Variants in LARP1 observed in about 807,000 individuals in gnomAD.
LARP1 encodes the protein la-related protein 1.
LARP1 carries 36 observed loss-of-function variants against 122.7 expected under a neutral mutation model. The ratio of observed to expected loss-of-function variants is 0.29; its 90% CI spans 0.22 to 0.39. The LOEUF is 0.39. Ranked by LOEUF, LARP1 falls within the 10% of genes least tolerant of loss-of-function variation. The probability of loss-of-function intolerance (pLI) is 1.00; values close to 1 mark genes in which losing one functional copy is unlikely to be tolerated. For missense variants in LARP1, 1,040 were observed against 1,403.6 expected, an observed-to-expected ratio of 0.74 and a Z score of 4.14; for synonymous variants, 539 against 528.7, an observed-to-expected ratio of 1.02 and a Z score of -0.27.
At position 154,802,182 on chromosome 5, in the gene LARP1, C is replaced by G. The variant is rs139405931; in HGVS notation, c.1892C>G (p.Ser631Cys). 6.2e-7 allele frequency: 1 copy of G among 1,614,190 alleles called. No homozygotes were observed. The highest frequency in any genetic ancestry group is 8.5e-7 in the Non-Finnish European group (1 of 1,180,036). The change falls in exon 11 of 19, where the codon TCT becomes TGT. Residue 631 changes from serine (S) to cysteine (C), a missense_variant. Around this residue, in one of 8 missense-constraint regions of LARP1, gnomAD observed 362 missense variants for 533.1 expected, o/e 0.68. Coordinates refer to ENST00000518297, the MANE Select transcript of LARP1 (RefSeq NM_033551.3). This position sits in a 1 kb window ranked among gnomAD's most constrained non-coding sequence, Gnocchi z 5.1. ...NTFTAWSDEE[S>C]DYEIDDRDVN... Reference sequence around the variant, plus strand: ...TTCACTGCCTGGTCTGATGAGGAATCTGACTATGAGATTGATGACAGGGAT... The same window carrying G: ...TTCACTGCCTGGTCTGATGAGGAATGTGACTATGAGATTGATGACAGGGAT...
chr5:154,811,880 TTTC>T (rs760176130), intron 18 of LARP1, among the ~76,000 whole-genome samples: 1 of 152,214 alleles, frequency 6.6e-6, no homozygotes, highest in Non-Finnish European at 1.5e-5. Context: ...CATAATGCTC[TTTC>T]TCTCCTATCT....
chr5:154,771,772 C>G (rs1272130810), intron 1 of LARP1, among the ~76,000 whole-genome samples: 2 of 152,132 alleles, frequency 1.3e-5, no homozygotes. Context: ...TAGAGATGTT[C>G]CTCTTCAGCT....
chr5:154,793,682 C>A lies in LARP1; in HGVS notation c.827C>A (p.Pro276Gln), dbSNP rs769646240. 1.2e-6 allele frequency: 2 copies of A among 1,614,054 alleles called. No individual in the cohort carries two copies. Among genetic ancestry groups the A allele is most frequent in the African/African-American group, 2.7e-5 (2 of 74,914 alleles). Residue 276 changes from proline (P) to glutamine (Q), a missense_variant, in exon 5 of 19, where the codon CCG becomes CAG. Physicochemically the swap from Pro to Gln is moderately conservative, Grantham distance 76. Around this residue, in one of 8 missense-constraint regions of LARP1, gnomAD observed 178 missense variants for 178.3 expected, o/e 1.00. Coordinates refer to ENST00000518297, the MANE Select transcript of LARP1 (RefSeq NM_033551.3). ...CTGGCTTCACGCCCCACTCGCCCAC[C>A]GGAGCCTAGACACATACCTGCCAAT... ...EKLASRPTRP[P>Q]EPRHIPANRG...
At chr5:154,704,061 T>C (rs1754839122) in intron 1 of LARP1, among the ~76,000 whole-genome samples, 1 of 152,204 alleles carries the variant, frequency 6.6e-6, no homozygotes, top group Non-Finnish European at 1.5e-5. Flanking sequence ...GCTGGTGGTC[T>C]TGTCAGAGAG....
chr5:154,715,836 C>T (rs1287137592), intron 1 of LARP1, among the ~76,000 whole-genome samples: 2 of 152,296 alleles, frequency 1.3e-5, no homozygotes, highest in Non-Finnish European at 2.9e-5. Context: ...TGCGTACCTA[C>T]GATGAGCTAA....
At chr5:154,773,274 G>A (rs570524448) in intron 1 of LARP1, among the ~76,000 whole-genome samples, 51 of 152,238 alleles carry the variant, frequency 3.4e-4, no homozygotes, top group Admixed American at 5.9e-4. Flanking sequence ...CCACTGTATT[G>A]TAAGCTATAT....
chr5:154,720,158 T>TG (rs1755772428), intron 1 of LARP1, among the ~76,000 whole-genome samples: 1 of 151,934 alleles, frequency 6.6e-6, no homozygotes, highest in Admixed American at 6.6e-5. Flanking sequence ...ACCACTGCAT[T>TG]CCAGCCTGGG....
chr5:154,756,160 G>A lies in LARP1; in HGVS notation c.403G>A (p.Val135Ile), dbSNP rs1753871051. ...GTGGACTAAGAACGCATTGCCGCCG[G>A]TCCTGACCACCGTGAACGGACAGTC... Reference protein sequence around the residue: ...NPWTKNALPPVLTTVNGQSPP... With the variant: ...NPWTKNALPPILTTVNGQSPP... The change falls in exon 1 of 19, where the codon GTC (valine) becomes ATC (isoleucine). Residue 135 changes from valine (V) to isoleucine (I), a missense_variant. Coordinates refer to ENST00000518297, the MANE Select transcript of LARP1 (RefSeq NM_033551.3). 2.3e-6 allele frequency: 3 copies of A among 1,316,130 alleles called. No homozygotes were observed. The highest frequency in any genetic ancestry group is 2.4e-5 in the South Asian group (2 of 84,350). 81.5% of individuals were successfully genotyped at this position (1,316,130 alleles called of 1,614,324 possible).
chr5:154,774,998 C>T (rs776850987), intron 1 of LARP1, among the ~76,000 whole-genome samples: 4 of 152,130 alleles, frequency 2.6e-5, no homozygotes, highest in Non-Finnish European at 5.9e-5. Context: ...ATGGTCGGTG[C>T]TGCCAGGGGG....
chr5:154,759,484 T>TGG (rs1754271876), intron 1 of LARP1, among the ~76,000 whole-genome samples: 1 of 152,240 alleles, frequency 6.6e-6, no homozygotes, highest in Admixed American at 6.5e-5. Flanking sequence ...AGCTATTTTT[T>TGG]GCTTTGGAAT....
Position 154,727,284 on chromosome 5 carries a change from G to A in LARP1, c.205+14154G>A, listed in dbSNP as rs370612448. The stretch of plus-strand genomic sequence containing the variant: ...GAATAAGTAAATAAAACAGAACTAC[G>A]TAACTAGGGCCTATTATGATATAAC... On this transcript the variant is annotated intron_variant, in intron 1 of 18. Coordinates refer to the LARP1 transcript ENST00000336314. Among the ~76,000 whole-genome samples the A allele has an allele frequency of 3.2e-4, 49 of 152,206 alleles. 2 individuals carry two copies. In the South Asian group the frequency reaches 1.0e-2, roughly 31 times the overall value.
At chr5:154,703,979 A>G (rs1754836119) in intron 1 of LARP1, among the ~76,000 whole-genome samples, 1 of 152,158 alleles carries the variant, frequency 6.6e-6, no homozygotes, top group Non-Finnish European at 1.5e-5. Context: ...TGCCAGCTAT[A>G]TGCTAGGTAC....
chr5:154,786,804 C>T (rs946892113), intron 1 of LARP1: 1 of 173,312 alleles, frequency 5.8e-6, no homozygotes, highest in Non-Finnish European at 1.2e-5. Context: ...GAAGCCCCTT[C>T]CCTTTTTCTG....
intron 1 of LARP1, among the ~76,000 whole-genome samples, chr5:154,717,533 G>A (rs1755584356): frequency 6.6e-6 from 1 of 152,106 alleles, no homozygotes; most frequent in East Asian, 1.9e-4. Context: ...AACACATCTT[G>A]GCTACCTAGC....
intron 1 of LARP1, among the ~76,000 whole-genome samples, chr5:154,687,109 A>G (rs1052528371): frequency 6.6e-6 from 1 of 152,234 alleles, no homozygotes; most frequent in African/African-American, 2.4e-5. Flanking sequence ...TTTAGTCTCA[A>G]AGGTTTCTGA....
intron 1 of LARP1, among the ~76,000 whole-genome samples, chr5:154,784,651 C>G (rs551960775): frequency 8.5e-4 from 129 of 152,272 alleles, no homozygotes; most frequent in Non-Finnish European, 4.3e-4. Context: ...CTTTTCTCAC[C>G]TTTCATGCAC....
chr5:154,690,318 A>C (rs1420984501), intron 1 of LARP1, among the ~76,000 whole-genome samples: 1 of 152,110 alleles, frequency 6.6e-6, no homozygotes, highest in Non-Finnish European at 1.5e-5. Flanking sequence ...GGATCGAGAA[A>C]AGGTTTGTCA....
At position 154,755,509 on chromosome 5, in the gene LARP1, A is replaced by T. The variant is rs904815434; in HGVS notation, c.-249A>T. 1 of 975,266 alleles carries T rather than the reference A, an allele frequency of 1.0e-6. No individual in the cohort carries two copies. The highest frequency in any genetic ancestry group is 6.2e-5 in the Admixed American group (1 of 16,160). 60.4% of individuals were successfully genotyped at this position (975,266 alleles called of 1,614,324 possible). On this transcript the variant is annotated 5_prime_UTR_variant, in exon 1 of 19. Transcript: ENST00000518297. Reference sequence around the variant, plus strand: ...GCGAGGAACGGGCGGGGGGGGACGCACGCCTAGGAGGCCTGGACTGCAGAG... The same window carrying T: ...GCGAGGAACGGGCGGGGGGGGACGCTCGCCTAGGAGGCCTGGACTGCAGAG...
At chr5:154,807,216 C>A (rs1318967881) in intron 15 of LARP1, among the ~76,000 whole-genome samples, 1 of 152,158 alleles carries the variant, frequency 6.6e-6, no homozygotes, top group East Asian at 1.9e-4. Flanking sequence ...GGATGTATCA[C>A]ATTTTGTGTA....
Sources: allele counts gnomAD v4.1 joint callset (sites outside exome capture counted in the v4.1 genomes callset), GRCh38; gene constraint gnomAD v4.1.1; regional missense constraint gnomAD v4.1.1; non-coding constraint Gnocchi (gnomAD v3.1); transcripts MANE v1.5; gene names NCBI Gene and HGNC (gene_info 2026-07-23, HGNC 2026-07-21).